The following XKR6 variants were observed in gnomAD, a reference collection of about 807,000 sequenced individuals.
The protein encoded by XKR6 is XK-related protein 6.
Under a neutral mutation model 56.7 loss-of-function variants are expected in XKR6, and 22 were observed. That is an observed-to-expected ratio of 0.39 (90% CI 0.28 to 0.55). The LOEUF is 0.55. Ranked by LOEUF, XKR6 falls within the 20% of genes least tolerant of loss-of-function variation. XKR6 has a pLI of 0.66. For synonymous variants in XKR6, 524 were observed against 387.8 expected (o/e 1.35, Z -4.13); for missense variants, 852 against 889.0 (o/e 0.96, Z 0.53).
At chr8:10,916,648 C>T (rs1800572560) in intron 2 of XKR6, among the ~76,000 whole-genome samples, 1 of 152,164 alleles carries the variant, frequency 6.6e-6, no homozygotes, top group Admixed American at 6.5e-5. Context: ...AGAAGGGATA[C>T]TTGGCCAGGG....
chr8:11,024,316 C>T lies in XKR6; in HGVS notation c.765-99486G>A, dbSNP rs114342481. On this transcript the variant is annotated intron_variant, in intron 1 of 2. Coordinates refer to ENST00000416569, the MANE Select transcript of XKR6 (RefSeq NM_173683.4). ...TGACTTTGGGTTATTGACTCCTGTC[C>T]CTCCCCAACCTCTGCCCTCCCCAGT... Among the ~76,000 whole-genome samples the T allele has an allele frequency of 5.8e-3, 866 of 148,652 alleles. 10 individuals carry two copies. The highest frequency in any genetic ancestry group is 0.021 in the African/African-American group (837 of 40,708).
At chr8:11,036,892 C>A (rs1162392707) in intron 1 of XKR6, among the ~76,000 whole-genome samples, 2 of 152,156 alleles carry the variant, frequency 1.3e-5, no homozygotes, top group Admixed American at 1.3e-4. Flanking sequence ...TGGGGCGTGC[C>A]CCATCCTAGG....
chr8:11,179,887 C>T (rs1585025018), intron 1 of XKR6, among the ~76,000 whole-genome samples: 1 of 152,208 alleles, frequency 6.6e-6, no homozygotes, highest in Admixed American at 6.5e-5. Context: ...AATCTCAGCA[C>T]TTTGGGAGGC....
chr8:10,991,947 C>A (rs1798002629), intron 1 of XKR6, among the ~76,000 whole-genome samples: 2 of 152,180 alleles, frequency 1.3e-5, no homozygotes, highest in African/African-American at 4.8e-5. Context: ...ATTCTATTCC[C>A]CACTTAGATT....
At chr8:10,976,473 G>T (rs899072760) in intron 1 of XKR6, among the ~76,000 whole-genome samples, 1 of 152,130 alleles carries the variant, frequency 6.6e-6, no homozygotes, top group Admixed American at 6.6e-5. Context: ...AACCAGATAC[G>T]CCTGCAGGTG....
At chr8:11,095,530 G>T (rs1003944732) in intron 1 of XKR6, among the ~76,000 whole-genome samples, 1 of 152,154 alleles carries the variant, frequency 6.6e-6, no homozygotes, top group Non-Finnish European at 1.5e-5. Flanking sequence ...AGCACACACT[G>T]TTCTGAATCT....
chr8:11,166,308 G>C (rs1032405130), intron 1 of XKR6, among the ~76,000 whole-genome samples: 1 of 152,048 alleles, frequency 6.6e-6, no homozygotes, highest in Non-Finnish European at 1.5e-5. Flanking sequence ...TCACAGTGGG[G>C]GAAAAATCCC....
chr8:11,128,281 A>C (rs1799928748), intron 1 of XKR6, among the ~76,000 whole-genome samples: 1 of 152,124 alleles, frequency 6.6e-6, no homozygotes, highest in Admixed American at 6.5e-5. Flanking sequence ...CTAAAGCCCC[A>C]GTGCATCCAG....
chr8:11,031,946 G>A lies in XKR6; in HGVS notation c.765-107116C>T, dbSNP rs563776168. ...GGATGCCTGTTGAATGAGTGCACAG[G>A]GAGATCCCCCCAGCAGGCAGCCTCT... On this transcript the variant is annotated intron_variant, in intron 1 of 2. Coordinates refer to ENST00000416569, the MANE Select transcript of XKR6 (RefSeq NM_173683.4). Among the ~76,000 whole-genome samples, 14 of 152,330 alleles carry A rather than the reference G, an allele frequency of 9.2e-5. No homozygotes were observed. The South Asian group carries it at 2.7e-3, about 29-fold the overall frequency.
intron 1 of XKR6, among the ~76,000 whole-genome samples, chr8:11,198,979 G>A (rs1038786795): frequency 1.3e-5 from 2 of 151,604 alleles, no homozygotes; most frequent in African/African-American, 4.9e-5. Flanking sequence ...ATGACTTTGA[G>A]TGTGTGGGTG....
chr8:10,915,896 A>G (rs1197464754), intron 2 of XKR6, among the ~76,000 whole-genome samples: 10 of 152,236 alleles, frequency 6.6e-5, no homozygotes, highest in Admixed American at 6.5e-4. Context: ...TGAAGATGCG[A>G]GCCAGCCAGA....
intron 1 of XKR6, among the ~76,000 whole-genome samples, chr8:11,012,366 C>T (rs773172366): frequency 6.6e-6 from 1 of 152,218 alleles, no homozygotes; most frequent in African/African-American, 2.4e-5. Flanking sequence ...GGGATAATGA[C>T]AGCACCTATA....
intron 1 of XKR6, among the ~76,000 whole-genome samples, chr8:10,950,229 C>G (rs1801676512): frequency 6.6e-6 from 1 of 152,160 alleles, no homozygotes; most frequent in Admixed American, 6.5e-5. Flanking sequence ...TACCACCTGG[C>G]CAATGGATAG....
chr8:11,012,229 C>T (rs1306158857), intron 1 of XKR6, among the ~76,000 whole-genome samples: 1 of 152,178 alleles, frequency 6.6e-6, no homozygotes, highest in African/African-American at 2.4e-5. Flanking sequence ...AGCATGGGGA[C>T]AGAAGGGGCA....
At chr8:11,139,494 G>A (rs1007256535) in intron 1 of XKR6, among the ~76,000 whole-genome samples, 1 of 152,114 alleles carries the variant, frequency 6.6e-6, no homozygotes, top group Non-Finnish European at 1.5e-5. Context: ...CTGCTACTAG[G>A]AGGGATCTGG....
chr8:10,908,849 G>C (rs958725046), intron 2 of XKR6, among the ~76,000 whole-genome samples: 3 of 152,020 alleles, frequency 2.0e-5, no homozygotes, highest in Non-Finnish European at 4.4e-5. Context: ...TGTTTATCCA[G>C]GGAGTGGGTT....
At position 10,954,294 on chromosome 8, in the gene XKR6, G is replaced by A. The variant is rs541047752; in HGVS notation, c.765-29464C>T. Among the ~76,000 whole-genome samples the A allele has an allele frequency of 1.8e-4, 27 of 152,310 alleles. No individual in the cohort carries two copies. The East Asian group carries it at 4.8e-3, about 27-fold the overall frequency. On this transcript the variant is annotated intron_variant, in intron 1 of 2. Coordinates refer to ENST00000416569, the MANE Select transcript of XKR6 (RefSeq NM_173683.4). ...TGTATTCCCACAAACAATGCAATGA[G>A]CGTTCCAATTTCTGCACATCCTTGT...
intron 1 of XKR6, among the ~76,000 whole-genome samples, chr8:10,977,658 C>G (rs1238519934): frequency 2.7e-5 from 4 of 149,402 alleles, no homozygotes; most frequent in Non-Finnish European, 5.9e-5. Context: ...GCTAATGTCC[C>G]TCTGCCTCGA....
At chr8:10,931,495 C>A (rs1801047789) in intron 1 of XKR6, among the ~76,000 whole-genome samples, 1 of 152,084 alleles carries the variant, frequency 6.6e-6, no homozygotes, top group South Asian at 2.1e-4. Flanking sequence ...GAAGAACTCA[C>A]ACTACTCGAT....
Sources: gnomAD v4.1 joint callset for allele counts (sites outside exome capture counted in the v4.1 genomes callset) on GRCh38, gnomAD v4.1.1 for gene constraint, MANE v1.5 for transcripts, NCBI Gene and HGNC (gene_info 2026-07-23, HGNC 2026-07-21) for gene names.